LRRTM4: variants seen among roughly 807,000 people sequenced by gnomAD.
LRRTM4 encodes the protein leucine rich repeat transmembrane neuronal 4.
LRRTM4 carries 25 observed loss-of-function variants against 47.6 expected under a neutral mutation model. That is an observed-to-expected ratio of 0.53 (90% CI 0.38 to 0.73). The LOEUF (loss-of-function observed/expected upper bound fraction) is 0.73, where lower values mean the gene tolerates loss of function less well. LRRTM4 is among the 30% of genes least tolerant of loss of function. The pLI is 0.00. For missense variants in LRRTM4, 638 were observed against 713.4 expected, an observed-to-expected ratio of 0.89 and a Z score of 1.20; for synonymous variants, 311 against 269.5, an observed-to-expected ratio of 1.15 and a Z score of -1.51.
At chr2:76,889,460 CCCTT>C (rs1558716451) in intron 3 of LRRTM4, among the ~76,000 whole-genome samples, 1 of 151,856 alleles carries the variant, frequency 6.6e-6, no homozygotes, top group Non-Finnish European at 1.5e-5. Context: ...AATAAAGTAT[CCCTT>C]CCTTCAATAT....
At chr2:77,307,049 A>G (rs185657757) in intron 3 of LRRTM4, among the ~76,000 whole-genome samples, 6,215 of 150,622 alleles carry the variant, frequency 0.041, 421 homozygotes, top group African/African-American at 0.14. Flanking sequence ...ACAGGCGCCC[A>G]CCACCACGCC....
At chr2:76,936,635 A>C (rs1674960547) in intron 3 of LRRTM4, among the ~76,000 whole-genome samples, 1 of 150,456 alleles carries the variant, frequency 6.6e-6, no homozygotes, top group East Asian at 2.0e-4. Context: ...AGTGATACTC[A>C]CTCTTTACTG....
At position 77,230,986 on chromosome 2, in the gene LRRTM4, G is replaced by A. The variant is rs191803524; in HGVS notation, c.1551+287332C>T. Among the ~76,000 whole-genome samples, 71 of 152,194 alleles carry A rather than the reference G, an allele frequency of 4.7e-4. 2 individuals are homozygous for A. In the East Asian group the frequency reaches 0.013, roughly 29 times the overall value. ...CCAGATTTAGAAAATGCTCGGTGAA[G>A]CTTCAATTTCAGATAAAAAATAATT... is the stretch of plus-strand genomic sequence containing the variant. On this transcript the variant is annotated intron_variant, in intron 3 of 3. Coordinates refer to ENST00000409884, the MANE Select transcript of LRRTM4 (RefSeq NM_001134745.3).
At chr2:76,948,155 T>G (rs1333781165) in intron 3 of LRRTM4, among the ~76,000 whole-genome samples, 1 of 137,954 alleles carries the variant, frequency 7.2e-6, no homozygotes, top group Non-Finnish European at 1.5e-5. Flanking sequence ...AAGTGGAAAG[T>G]CTATTCAATG....
chr2:76,791,204 G>T (rs1453920273), intron 3 of LRRTM4, among the ~76,000 whole-genome samples: 1 of 152,092 alleles, frequency 6.6e-6, no homozygotes, highest in East Asian at 1.9e-4. Context: ...AAGTGATCCA[G>T]GCATGTGGCT....
intron 3 of LRRTM4, among the ~76,000 whole-genome samples, chr2:77,458,283 T>A (rs1676639870): frequency 6.6e-6 from 1 of 152,082 alleles, no homozygotes; most frequent in Non-Finnish European, 1.5e-5. Flanking sequence ...CAGCATGGAG[T>A]AACAAGGGAG....
intron 3 of LRRTM4, among the ~76,000 whole-genome samples, chr2:77,343,104 C>T (rs1671434672): frequency 6.6e-6 from 1 of 151,898 alleles, no homozygotes; most frequent in Admixed American, 6.6e-5. Context: ...GCCACTTCCC[C>T]CAGGTCGTTT....
intron 3 of LRRTM4, among the ~76,000 whole-genome samples, chr2:76,917,963 T>G (rs1674309881): frequency 6.6e-6 from 1 of 152,192 alleles, no homozygotes; most frequent in African/African-American, 2.4e-5. Context: ...ATATCTTCTA[T>G]CTGGAACTTT....
At chr2:77,364,427 G>T (rs1672361552) in intron 3 of LRRTM4, among the ~76,000 whole-genome samples, 1 of 152,100 alleles carries the variant, frequency 6.6e-6, no homozygotes, top group African/African-American at 2.4e-5. Flanking sequence ...TGTGTTACCA[G>T]CAGAGGACTA....
At chr2:77,222,865 G>A (rs529874906) in intron 3 of LRRTM4, among the ~76,000 whole-genome samples, 1 of 152,242 alleles carries the variant, frequency 6.6e-6, no homozygotes, top group Admixed American at 6.5e-5. Context: ...TATGAGGTCA[G>A]CATCATCCTG....
chr2:77,099,814 A>T (rs1670904143), intron 3 of LRRTM4, among the ~76,000 whole-genome samples: 1 of 152,004 alleles, frequency 6.6e-6, no homozygotes, highest in Admixed American at 6.6e-5. Context: ...GTATTTGAAT[A>T]TAATAAAAAT....
At chr2:77,282,738 T>C (rs1198628106) in intron 3 of LRRTM4, among the ~76,000 whole-genome samples, 1 of 151,760 alleles carries the variant, frequency 6.6e-6, no homozygotes, top group Non-Finnish European at 1.5e-5. Context: ...AAATAAGCAA[T>C]GGGGAAAGGA....
chr2:76,891,557 CA>C (rs984892285), intron 3 of LRRTM4, among the ~76,000 whole-genome samples: 3 of 150,708 alleles, frequency 2.0e-5, no homozygotes, highest in South Asian at 2.1e-4. Flanking sequence ...AAAATTTATA[CA>C]AAAAAAATCC....
intron 3 of LRRTM4, among the ~76,000 whole-genome samples, chr2:77,272,113 G>A (rs76159044): frequency 6.6e-6 from 1 of 151,942 alleles, no homozygotes; most frequent in African/African-American, 2.4e-5. Context: ...TTTCTTCTCA[G>A]TGAGCATTAT....
chr2:76,891,664 T>A (rs1459088849), intron 3 of LRRTM4, among the ~76,000 whole-genome samples: 1 of 151,820 alleles, frequency 6.6e-6, no homozygotes. Context: ...CGATTAGACT[T>A]TCATGTGGAA....
At chr2:76,757,122 T>C (rs1043397299) in intron 3 of LRRTM4, among the ~76,000 whole-genome samples, 2 of 152,112 alleles carry the variant, frequency 1.3e-5, no homozygotes, top group South Asian at 2.1e-4. Flanking sequence ...TGGGCTAAAA[T>C]GTGTATAGCA....
chr2:77,029,283 C>T lies in LRRTM4; in HGVS notation c.1552-280367G>A, dbSNP rs564083752. 2.0e-5 allele frequency among the ~76,000 whole-genome samples: 3 copies of T among 151,842 alleles called. No homozygotes were observed. In the South Asian group the frequency reaches 6.2e-4, roughly 32 times the overall value. On this transcript the variant is annotated intron_variant, in intron 3 of 3. Coordinates refer to ENST00000409884, the MANE Select transcript of LRRTM4 (RefSeq NM_001134745.3). The stretch of plus-strand genomic sequence containing the variant: ...GACTCACACGATCACAAGATGAAGT[C>T]CCACAATAGGCCGTCTGCAAGCTGT...
intron 3 of LRRTM4, among the ~76,000 whole-genome samples, chr2:77,412,121 T>C (rs1223427540): frequency 6.6e-6 from 1 of 152,106 alleles, no homozygotes; most frequent in African/African-American, 2.4e-5. Flanking sequence ...TGATTTGCAT[T>C]ATTCGTAAGG....
At chr2:77,418,648 T>C (rs1470510853) in intron 3 of LRRTM4, among the ~76,000 whole-genome samples, 3 of 152,150 alleles carry the variant, frequency 2.0e-5, no homozygotes, top group African/African-American at 7.2e-5. Context: ...CTTTTCTTCA[T>C]TGTATCCCAG....
Sources: allele counts gnomAD v4.1 joint callset (sites outside exome capture counted in the v4.1 genomes callset), GRCh38; gene constraint gnomAD v4.1.1; transcripts MANE v1.5; gene names NCBI Gene and HGNC (gene_info 2026-07-23, HGNC 2026-07-21).